Variants in PCSK1 observed in about 807,000 individuals in gnomAD.
The protein encoded by PCSK1 is neuroendocrine convertase 1.
PCSK1 carries 56 observed loss-of-function variants against 90.6 expected under a neutral mutation model. The ratio of observed to expected loss-of-function variants is 0.62; its 90% CI spans 0.50 to 0.77. PCSK1 has a LOEUF of 0.77. Among genes scored for constraint, PCSK1 ranks in the 30% least tolerant of loss-of-function variants. PCSK1 has a pLI of 0.00. For synonymous variants in PCSK1, 348 were observed against 342.4 expected (o/e 1.02, Z -0.18); for missense variants, 801 against 932.6 (o/e 0.86, Z 1.84).
At chr5:96,424,877 C>T (rs1761232695) in intron 3 of PCSK1, among the ~76,000 whole-genome samples, 1 of 151,190 alleles carries the variant, frequency 6.6e-6, no homozygotes, top group Non-Finnish European at 1.5e-5. Context: ...GCAGGAGAAT[C>T]GCTTGAAGCC....
chr5:96,409,164 A>G (rs1384161415), intron 8 of PCSK1, among the ~76,000 whole-genome samples: 1 of 152,224 alleles, frequency 6.6e-6, no homozygotes, highest in African/African-American at 2.4e-5. Flanking sequence ...AACTGAAAAG[A>G]CTTCCTGTCT....
At chr5:96,412,605 G>A (rs1419079455) in intron 6 of PCSK1, 115 bp from the exon 7 acceptor site, 5 of 946,528 alleles carry the variant, frequency 5.3e-6, no homozygotes, top group East Asian at 2.6e-5. Flanking sequence ...CAAAAACCAG[G>A]TAACTACTAG....
intron 2 of PCSK1, 25 bp from the exon 3 acceptor site, chr5:96,425,955 A>G (rs1437963619): frequency 7.2e-7 from 1 of 1,382,452 alleles, no homozygotes; most frequent in Non-Finnish European, 1.0e-6. Flanking sequence ...ATAGCAAGAA[A>G]ATCAAAAGTC....
At chr5:96,417,634 G>A (rs1047521453) in intron 5 of PCSK1, among the ~76,000 whole-genome samples, 1 of 152,090 alleles carries the variant, frequency 6.6e-6, no homozygotes, top group Non-Finnish European at 1.5e-5. Flanking sequence ...AGTGCTTGGT[G>A]TCCTGAGAAC....
intron 13 of PCSK1, 150 bp from the exon 14 acceptor site, chr5:96,393,528 T>C: frequency 1.1e-6 from 1 of 946,160 alleles, no homozygotes; most frequent in Non-Finnish European, 1.7e-6. Flanking sequence ...CCACATGGAC[T>C]TGGGCTTCAA....
chr5:96,428,081 T>A (rs1281543350), intron 2 of PCSK1, among the ~76,000 whole-genome samples: 1 of 152,172 alleles, frequency 6.6e-6, no homozygotes, highest in Non-Finnish European at 1.5e-5. Flanking sequence ...TTCTTTTACA[T>A]TCGAACACTG....
rs768134283 is a variant in PCSK1 at position 96,394,922 on chromosome 5, G to A, written c.1826C>T (p.Ser609Phe). Residue 609 changes from serine to phenylalanine, a missense_variant, in exon 13 of 14, where the codon TCC (serine) becomes TTC (phenylalanine). Coordinates refer to ENST00000311106, the MANE Select transcript of PCSK1 (RefSeq NM_000439.5). ...TCTGTCATTCTGAACAGTGTTGTAG[G>A]ACGTGTACACACGAGGCTGCTTCAT... ...EHMKQPRVYTSYNTVQNDRRG... is the reference protein window; with the variant it reads ...EHMKQPRVYTFYNTVQNDRRG... The A allele has an allele frequency of 6.2e-7, 1 of 1,614,124 alleles. No homozygotes were observed. Among genetic ancestry groups the A allele is most frequent in the Non-Finnish European group, 8.5e-7 (1 of 1,179,974 alleles).
At chr5:96,421,003 A>G (rs1241271208) in intron 5 of PCSK1, among the ~76,000 whole-genome samples, 2 of 152,208 alleles carry the variant, frequency 1.3e-5, no homozygotes, top group African/African-American at 4.8e-5. Context: ...TCTTCTGTGT[A>G]GAGAAAATGA....
intron 2 of PCSK1, among the ~76,000 whole-genome samples, chr5:96,426,701 A>G (rs1203469877): frequency 6.6e-6 from 1 of 152,336 alleles, no homozygotes; most frequent in South Asian, 2.1e-4. Context: ...TTTCTTGGCA[A>G]TATGACTATT....
At chr5:96,401,784 G>C (rs1760384947) in intron 9 of PCSK1, among the ~76,000 whole-genome samples, 2 of 152,148 alleles carry the variant, frequency 1.3e-5, no homozygotes, top group Non-Finnish European at 2.9e-5. Flanking sequence ...ATGAGAAGTG[G>C]TGAGATCTTT....
chr5:96,400,689 T>C (rs1760326506), intron 9 of PCSK1, among the ~76,000 whole-genome samples: 1 of 152,220 alleles, frequency 6.6e-6, no homozygotes, highest in Non-Finnish European at 1.5e-5. Context: ...TTTTTCTTTA[T>C]CTATCAAAAG....
intron 6 of PCSK1, 56 bp from the exon 7 acceptor site, chr5:96,412,546 C>T: frequency 6.9e-7 from 1 of 1,452,174 alleles, no homozygotes; most frequent in Non-Finnish European, 9.7e-7. Context: ...TGTACATGGA[C>T]AAAAGCCCAA....
intron 8 of PCSK1, 87 bp downstream of exon 8, chr5:96,410,687 C>T (rs560975892): frequency 3.2e-5 from 34 of 1,070,240 alleles, no homozygotes; most frequent in African/African-American, 2.2e-4. Context: ...GCGAATCAGT[C>T]GTACCAAAGG....
chr5:96,404,361 C>A (rs897937778), intron 9 of PCSK1, among the ~76,000 whole-genome samples: 1 of 152,174 alleles, frequency 6.6e-6, no homozygotes, highest in Non-Finnish European at 1.5e-5. Context: ...TAGTTGCTGG[C>A]AAAATGACCT....
At chr5:96,415,916 A>T in intron 6 of PCSK1, 117 bp downstream of exon 6, 1 of 728,328 alleles carries the variant, frequency 1.4e-6, no homozygotes, top group African/African-American at 1.7e-5. Flanking sequence ...CAACTTTGGC[A>T]TGGAACTAAT....
intron 5 of PCSK1, among the ~76,000 whole-genome samples, chr5:96,418,199 G>T (rs919861221): frequency 6.6e-6 from 1 of 152,148 alleles, no homozygotes; most frequent in Non-Finnish European, 1.5e-5. Context: ...ACCTCCAAAC[G>T]TTGAGAGAAA....
chr5:96,398,725 AAC>A (rs752401868), intron 11 of PCSK1, among the ~76,000 whole-genome samples, 152 bp downstream of exon 11: 1 of 152,046 alleles, frequency 6.6e-6, no homozygotes, highest in Non-Finnish European at 1.5e-5. Flanking sequence ...AGGGAGATCT[AAC>A]ACCAAGAAAA....
At chr5:96,402,573 G>C (rs770224329) in intron 9 of PCSK1, among the ~76,000 whole-genome samples, 3 of 152,180 alleles carry the variant, frequency 2.0e-5, no homozygotes, top group Non-Finnish European at 2.9e-5. Flanking sequence ...AGAGCCTTTT[G>C]TTCGGGGCTC....
chr5:96,402,257 A>G (rs940296028), intron 9 of PCSK1, among the ~76,000 whole-genome samples: 2 of 152,200 alleles, frequency 1.3e-5, no homozygotes, highest in South Asian at 2.1e-4. Flanking sequence ...CAAAGGTCTT[A>G]CCTGGCACGA....
Sources: allele counts gnomAD v4.1 joint callset (sites outside exome capture counted in the v4.1 genomes callset), GRCh38; gene constraint gnomAD v4.1.1; transcripts MANE v1.5; gene names NCBI Gene and HGNC (gene_info 2026-07-23, HGNC 2026-07-21).